KSR2: variants seen among roughly 807,000 people sequenced by gnomAD.
The protein encoded by KSR2 is kinase suppressor of ras 2.
KSR2 carries 25 observed loss-of-function variants against 107.8 expected under a neutral mutation model. That is an observed-to-expected ratio of 0.23 (90% confidence interval 0.17 to 0.32). The LOEUF is 0.32. KSR2 is among the 10% of genes least tolerant of loss of function. The pLI is 1.00. For synonymous variants in KSR2, 480 were observed against 507.0 expected (o/e 0.95, Z 0.71); for missense variants, 887 against 1,268.9 (o/e 0.70, Z 4.57).
chr12:117,597,084 C>T (rs1206939043), intron 5 of KSR2, among the ~76,000 whole-genome samples: 1 of 152,098 alleles, frequency 6.6e-6, no homozygotes, highest in Non-Finnish European at 1.5e-5. Flanking sequence ...TGGAAAATAT[C>T]ATCAATGTAG....
At chr12:117,617,460 T>A (rs887568613) in intron 5 of KSR2, among the ~76,000 whole-genome samples, 5 of 152,212 alleles carry the variant, frequency 3.3e-5, no homozygotes, top group Admixed American at 6.5e-5. Flanking sequence ...TAATGTCTTA[T>A]ATATCTTAAT....
intron 4 of KSR2, among the ~76,000 whole-genome samples, chr12:117,700,284 T>C (rs1886250161): frequency 6.6e-6 from 1 of 152,192 alleles, no homozygotes; most frequent in South Asian, 2.1e-4. Context: ...CCCAAGGCTA[T>C]ACAGCTACAG....
intron 1 of KSR2, among the ~76,000 whole-genome samples, chr12:117,949,111 A>G (rs939988716): frequency 6.6e-6 from 1 of 152,128 alleles, no homozygotes; most frequent in Non-Finnish European, 1.5e-5. Flanking sequence ...TAAATAAATC[A>G]AAATAAAAAC....
At chr12:117,820,814 G>C (rs1891537055) in intron 3 of KSR2, among the ~76,000 whole-genome samples, 1 of 151,976 alleles carries the variant, frequency 6.6e-6, no homozygotes, top group Admixed American at 6.6e-5. Context: ...AAAGACACCA[G>C]TATTAGAAGC....
chr12:117,782,842 G>A (rs1261365102), intron 3 of KSR2, among the ~76,000 whole-genome samples: 1 of 152,216 alleles, frequency 6.6e-6, no homozygotes, highest in Non-Finnish European at 1.5e-5. Context: ...AAACAGGAAA[G>A]GCTGTAGGGT....
rs115296291 is a variant in KSR2, at chr12:117,876,424, A to G, written c.181-15993T>C. ...CAACAGTCTGGGGCAGTCCCGCCGA[A>G]TGCTGGAACACAGGCAGCTGCCTCT... On this transcript the variant is annotated intron_variant, in intron 1 of 19. Coordinates refer to ENST00000339824, the MANE Select transcript of KSR2 (RefSeq NM_173598.6). 7.4e-3 allele frequency among the ~76,000 whole-genome samples: 1,129 copies of G among 152,350 alleles called. 9 individuals carry two copies. The highest frequency in any genetic ancestry group is 0.026 in the African/African-American group (1,079 of 41,584).
At chr12:117,762,240 A>G (rs1045305161) in intron 3 of KSR2, among the ~76,000 whole-genome samples, 4 of 152,246 alleles carry the variant, frequency 2.6e-5, no homozygotes, top group African/African-American at 9.6e-5. Flanking sequence ...CCTTACATGG[A>G]AATTTTAATA....
intron 4 of KSR2, among the ~76,000 whole-genome samples, chr12:117,738,603 G>A (rs1565988558): frequency 6.6e-6 from 1 of 152,174 alleles, no homozygotes; most frequent in Non-Finnish European, 1.5e-5. Context: ...GGCTGGGCAT[G>A]GTGGCTCATG....
intron 5 of KSR2, among the ~76,000 whole-genome samples, chr12:117,615,249 ACAC>A (rs1881810685): frequency 1.1e-5 from 1 of 87,364 alleles, no homozygotes; most frequent in South Asian, 3.5e-4. Context: ...ACACACACAC[ACAC>A]ACACATCAGA....
At chr12:117,803,972 T>A (rs1890925212) in intron 3 of KSR2, among the ~76,000 whole-genome samples, 1 of 152,188 alleles carries the variant, frequency 6.6e-6, no homozygotes, top group Admixed American at 6.5e-5. Context: ...GTATAAGGGG[T>A]TAACAAACTA....
intron 14 of KSR2, among the ~76,000 whole-genome samples, chr12:117,487,834 C>T (rs1449892864): frequency 1.3e-5 from 2 of 152,182 alleles, no homozygotes; most frequent in East Asian, 3.8e-4. Flanking sequence ...GCTTCTCTCA[C>T]TCCCGTATGA....
intron 3 of KSR2, among the ~76,000 whole-genome samples, chr12:117,761,821 G>C (rs1329390382): frequency 6.6e-6 from 1 of 152,026 alleles, no homozygotes; most frequent in Non-Finnish European, 1.5e-5. Context: ...CTATATATCT[G>C]TTATGTTGTA....
At chr12:117,782,417 C>T (rs1889918367) in intron 3 of KSR2, among the ~76,000 whole-genome samples, 1 of 152,184 alleles carries the variant, frequency 6.6e-6, no homozygotes, top group Non-Finnish European at 1.5e-5. Context: ...GCGTGCACCA[C>T]TACACTTAGC....
chr12:117,836,470 G>A (rs1892217872), intron 3 of KSR2, among the ~76,000 whole-genome samples: 1 of 152,214 alleles, frequency 6.6e-6, no homozygotes, highest in South Asian at 2.1e-4. Context: ...CTCAGATGGA[G>A]AGGTTGTCCC....
intron 3 of KSR2, among the ~76,000 whole-genome samples, chr12:117,777,750 C>T (rs1374442385): frequency 6.6e-6 from 1 of 152,102 alleles, no homozygotes; most frequent in Admixed American, 6.5e-5. Flanking sequence ...TAATTTTTGG[C>T]CAGGTGCAGT....
chr12:117,673,535 G>T (rs891718992), intron 4 of KSR2, among the ~76,000 whole-genome samples: 1 of 152,114 alleles, frequency 6.6e-6, no homozygotes, highest in Admixed American at 6.5e-5. Context: ...GAGAGAATGG[G>T]AGTAAAAGAA....
At chr12:117,794,233 GCA>G (rs1213924815) in intron 3 of KSR2, among the ~76,000 whole-genome samples, 40 of 77,810 alleles carry the variant, frequency 5.1e-4, no homozygotes, top group African/African-American at 2.2e-3. Flanking sequence ...ACACCAACAT[GCA>G]CACTCACACC....
chr12:117,892,140 A>C (rs1299347307), intron 1 of KSR2, among the ~76,000 whole-genome samples: 1 of 152,088 alleles, frequency 6.6e-6, no homozygotes, highest in Non-Finnish European at 1.5e-5. Flanking sequence ...CTCTACTAAA[A>C]ATACAAAAAG....
At chr12:117,853,824 C>T (rs17511689) in intron 3 of KSR2, among the ~76,000 whole-genome samples, 5,625 of 152,234 alleles carry the variant, frequency 0.037, 162 homozygotes, top group Non-Finnish European at 0.056. Flanking sequence ...ATGACCTTTA[C>T]AGCTCGTCAG....
Sources: allele counts gnomAD v4.1 joint callset (sites outside exome capture counted in the v4.1 genomes callset), GRCh38; gene constraint gnomAD v4.1.1; transcripts MANE v1.5; gene names NCBI Gene and HGNC (gene_info 2026-07-23, HGNC 2026-07-21).